MYH10: variants seen among roughly 807,000 people sequenced by gnomAD.
MYH10 encodes myosin heavy chain 10, also known as myosin-10.
In MYH10, 55 loss-of-function variants were observed where a neutral mutation model predicts 257.8. That is an observed-to-expected ratio of 0.21 (90% CI 0.17 to 0.27). MYH10 has a LOEUF of 0.27. Among genes scored for constraint, MYH10 ranks in the 10% least tolerant of loss-of-function variants. The pLI is 1.00. For missense variants in MYH10, 1,631 were observed against 2,500.6 expected (o/e 0.65, Z 7.42); for synonymous variants, 854 against 921.7 (o/e 0.93, Z 1.33).
chr17:8,547,567 G>C (rs1198533686), intron 11 of MYH10, among the ~76,000 whole-genome samples: 2 of 151,760 alleles, frequency 1.3e-5, no homozygotes, highest in Non-Finnish European at 2.9e-5. Context: ...TTCAAGGGCA[G>C]ATAATGTGAC....
At chr17:8,529,653 T>C (rs1006877331) in intron 17 of MYH10, among the ~76,000 whole-genome samples, 1 of 152,226 alleles carries the variant, frequency 6.6e-6, no homozygotes, top group African/African-American at 2.4e-5. Context: ...ACTTCTTTCA[T>C]AGTATGTGAA....
intron 3 of MYH10, among the ~76,000 whole-genome samples, chr17:8,594,079 T>C (rs1284332936): frequency 6.6e-6 from 1 of 152,116 alleles, no homozygotes; most frequent in Admixed American, 6.6e-5. Context: ...TTTCAACAAA[T>C]AGTGCTAGAA....
chr17:8,622,095 C>T (rs1356124682), intron 2 of MYH10, among the ~76,000 whole-genome samples: 1 of 152,176 alleles, frequency 6.6e-6, no homozygotes, highest in Non-Finnish European at 1.5e-5. Flanking sequence ...TTCAACACCC[C>T]TTTTCCGATT....
chr17:8,573,140 G>A (rs774980383), intron 6 of MYH10, among the ~76,000 whole-genome samples: 1 of 152,188 alleles, frequency 6.6e-6, no homozygotes, highest in Non-Finnish European at 1.5e-5. Flanking sequence ...CAGTCATAGT[G>A]AAAATTACAC....
intron 4 of MYH10, among the ~76,000 whole-genome samples, chr17:8,583,788 A>G (rs1279251747): frequency 2.0e-5 from 3 of 152,364 alleles, no homozygotes; most frequent in African/African-American, 7.2e-5. Flanking sequence ...TCCTTTACAA[A>G]AACATCGACT....
At chr17:8,549,689 GA>G (rs946914731) in intron 9 of MYH10, among the ~76,000 whole-genome samples, 11 of 152,210 alleles carry the variant, frequency 7.2e-5, no homozygotes, top group African/African-American at 2.4e-4. Context: ...TCATTTTAAA[GA>G]ATTTACTCGC....
At chr17:8,598,468 T>C (rs2084468872) in intron 3 of MYH10, among the ~76,000 whole-genome samples, 1 of 152,222 alleles carries the variant, frequency 6.6e-6, no homozygotes. Flanking sequence ...TTTTCCCTCT[T>C]GTTTTGGTTC....
At chr17:8,493,120 G>T in intron 32 of MYH10, 96 bp from the exon 33 acceptor site, 1 of 1,397,036 alleles carries the variant, frequency 7.2e-7, no homozygotes, top group Non-Finnish European at 9.7e-7. Flanking sequence ...AGCACTTTGG[G>T]AGGCCGAGGC....
Position 8,569,630 on chromosome 17 carries a change from TA to T in MYH10, c.756+89del. The T allele has an allele frequency of 1.1e-6, 1 of 909,076 alleles. No individual in the cohort carries two copies. The highest frequency in any genetic ancestry group is 2.7e-5 in the East Asian group (1 of 36,938). 56.3% of individuals were successfully genotyped at this position (909,076 alleles called of 1,614,324 possible). On this transcript the variant is annotated intron_variant, in intron 7 of 42. Transcript: ENST00000360416. The surrounding 1 kb of genome is among the most constrained non-coding windows in gnomAD (Gnocchi z 4.1). ...CTACATCTATTAGCTTCTTAAAATC[TA>T]GGAAGAAAAGTAATTCATTTGCTTA...
chr17:8,539,511 A>C (rs114405222), intron 14 of MYH10, among the ~76,000 whole-genome samples: 110 of 152,340 alleles, frequency 7.2e-4, no homozygotes, highest in African/African-American at 2.5e-3. Context: ...CTTGAGGACC[A>C]AGGCCATGCT....
chr17:8,480,705 C>A lies in MYH10; in HGVS notation c.5265-180G>T, dbSNP rs896346196. The A allele has an allele frequency of 4.0e-6, 3 of 757,700 alleles. No homozygotes were observed. In the African/African-American group the frequency reaches 5.2e-5, roughly 13 times the overall value. The allele number at this position is 757,700 out of a possible 1,614,324, so 46.9% of individuals were successfully genotyped here. A position where few individuals can be genotyped will look rare whatever the true frequency, so the allele number is the denominator to read the frequency against. On this transcript the variant is annotated intron_variant, in intron 38 of 42. Coordinates refer to ENST00000360416, the MANE Select transcript of MYH10 (RefSeq NM_001256012.3). ...GTCCCACTGATGACACTTCCAAACA[C>A]CCTCCCCCGCTGCCACCACCCAGAT...
chr17:8,545,376 CAGTA>C lies in MYH10; in HGVS notation c.1431+68_1431+71del, dbSNP rs2082411968. On this transcript the variant is annotated intron_variant, in intron 13 of 42. Transcript: ENST00000360416. This position sits in a 1 kb window ranked among gnomAD's most constrained non-coding sequence, Gnocchi z 4.7. ...TGGTGCCTCGTATGTACTGGGCACACAGTAAGCCTTCATATTTGTTAAAAGAACA... is the reference window on the plus strand; with the variant it reads ...TGGTGCCTCGTATGTACTGGGCACACAGCCTTCATATTTGTTAAAAGAACA... 3.9e-6 allele frequency: 6 copies of C among 1,553,234 alleles called. No homozygotes were observed. Among genetic ancestry groups the C allele is most frequent in the Non-Finnish European group, 5.3e-6 (6 of 1,133,060 alleles).
chr17:8,556,552 A>G (rs1405801995), intron 7 of MYH10, among the ~76,000 whole-genome samples: 1 of 152,240 alleles, frequency 6.6e-6, no homozygotes, highest in Non-Finnish European at 1.5e-5. Context: ...TGTACTTGAC[A>G]TGCCAGACGT....
At chr17:8,562,276 C>A (rs1644679121) in intron 7 of MYH10, among the ~76,000 whole-genome samples, 1 of 152,232 alleles carries the variant, frequency 6.6e-6, no homozygotes, top group Non-Finnish European at 1.5e-5. Flanking sequence ...AGGTAAGATG[C>A]AGGCCATGGG....
chr17:8,580,667 C>A (rs528143855), intron 4 of MYH10, among the ~76,000 whole-genome samples: 15 of 152,114 alleles, frequency 9.9e-5, no homozygotes, highest in African/African-American at 3.6e-4. Flanking sequence ...CATTTTCTAC[C>A]TGGCTACTAT....
At chr17:8,495,274 T>G (rs751443225) in intron 30 of MYH10, 33 bp from the exon 31 acceptor site, 3 of 1,352,018 alleles carry the variant, frequency 2.2e-6, no homozygotes, top group African/African-American at 2.9e-5. Flanking sequence ...TTCAACTCAA[T>G]AGTAAGCAAG....
chr17:8,535,566 C>A lies in MYH10; in HGVS notation c.1780-65G>T. ...ACAAAACCAAATGCAAAAACAAAAA[C>A]ACTTTAAGCCTCAACCAGAAACTTT... is the stretch of plus-strand genomic sequence containing the variant. On this transcript the variant is annotated intron_variant, in intron 15 of 42. Transcript: ENST00000360416. This position sits in a 1 kb window ranked among gnomAD's most constrained non-coding sequence, Gnocchi z 4.3. 1 of 1,432,490 alleles carries A rather than the reference C, an allele frequency of 7.0e-7. No individual in the cohort carries two copies. The highest frequency in any genetic ancestry group is 1.2e-5 in the South Asian group (1 of 80,436). The allele number at this position is 1,432,490 out of a possible 1,614,324, so 88.7% of individuals were successfully genotyped here. A position where few individuals can be genotyped will look rare whatever the true frequency, so the allele number is the denominator to read the frequency against.
chr17:8,493,927 T>A (rs759864193), intron 31 of MYH10, 42 bp from the exon 32 acceptor site: 1 of 1,572,522 alleles, frequency 6.4e-7, no homozygotes. Context: ...ATTACATTTA[T>A]CACCAAAACA....
At chr17:8,520,737 A>G in intron 19 of MYH10, 141 bp downstream of exon 19, 1 of 890,748 alleles carries the variant, frequency 1.1e-6, no homozygotes, top group Admixed American at 3.2e-5. Flanking sequence ...TCCCTTTTCC[A>G]GAACCTCACT....
Sources: gnomAD v4.1 joint callset for allele counts (sites outside exome capture counted in the v4.1 genomes callset) on GRCh38, gnomAD v4.1.1 for gene constraint, Gnocchi (gnomAD v3.1) non-coding constraint, MANE v1.5 for transcripts, NCBI Gene and HGNC (gene_info 2026-07-23, HGNC 2026-07-21) for gene names.